Variants in CHRNA4 observed in about 807,000 individuals in gnomAD.
CHRNA4 encodes cholinergic receptor nicotinic alpha 4 subunit.
CHRNA4 carries 28 observed loss-of-function variants against 48.9 expected under a neutral mutation model. The ratio of observed to expected loss-of-function variants is 0.57; its 90% CI spans 0.42 to 0.79. CHRNA4 has a LOEUF of 0.79. Ranked by LOEUF, CHRNA4 falls within the 30% of genes least tolerant of loss-of-function variation. CHRNA4 has a pLI of 0.00. For synonymous variants in CHRNA4, 425 were observed against 402.3 expected, an observed-to-expected ratio of 1.06 and a Z score of -0.68; for missense variants, 859 against 898.4, an observed-to-expected ratio of 0.96 and a Z score of 0.56.
intron 2 of CHRNA4, 35 bp from the exon 3 acceptor site, chr20:63,356,450 C>G: frequency 6.3e-7 from 1 of 1,577,666 alleles, no homozygotes; most frequent in Non-Finnish European, 8.6e-7. Context: ...GCCAGTGACC[C>G]CTTGGTGTCT....
intron 4 of CHRNA4, among the ~76,000 whole-genome samples, chr20:63,352,006 G>T (rs2068623161): frequency 6.6e-6 from 1 of 152,192 alleles, no homozygotes; most frequent in Non-Finnish European, 1.5e-5. Context: ...GGAAGCCTGA[G>T]GCCCCATTAA....
chr20:63,345,472 C>T lies in CHRNA4; in HGVS notation c.*1266G>A, dbSNP rs967579978. The T allele has an allele frequency of 8.1e-5, 31 of 383,598 alleles. No individual in the cohort carries two copies. In the East Asian group the frequency reaches 1.3e-3, roughly 16 times the overall value. The allele number at this position is 383,598 out of a possible 1,614,324, so 23.8% of individuals were successfully genotyped here. On this transcript the variant is annotated 3_prime_UTR_variant, in exon 6 of 6. Transcript: ENST00000370263. This position sits in a 1 kb window ranked among gnomAD's most constrained non-coding sequence, Gnocchi z 5.4. ...GGGGACACTGGGGGGCTGCCGGGTG[C>T]GCCATCTTTAGGGGGTGCACTGCCG...
At chr20:63,346,944 C>T in intron 5 of CHRNA4, 81 bp from the exon 6 acceptor site, 1 of 1,595,052 alleles carries the variant, frequency 6.3e-7, no homozygotes, top group East Asian at 2.2e-5. Flanking sequence ...GCGCCGCCGG[C>T]AACAGCTTCT....
intron 4 of CHRNA4, chr20:63,355,437 T>G (rs958031085): frequency 3.8e-6 from 4 of 1,060,942 alleles, no homozygotes; most frequent in African/African-American, 3.3e-5. Context: ...GGGCAGAGCG[T>G]GAGTATGCAG....
chr20:63,353,700 C>G (rs1308074655), intron 4 of CHRNA4, among the ~76,000 whole-genome samples: 1 of 44,236 alleles, frequency 2.3e-5, no homozygotes, highest in Non-Finnish European at 4.0e-5. Context: ...GGCTGTGGTC[C>G]TGGGGGGGCT....
chr20:63,350,325 G>C lies in CHRNA4; in HGVS notation c.1086C>G (p.Ser362=). 6.2e-7 allele frequency: 1 copy of C among 1,613,348 alleles called. No homozygotes were observed. The highest frequency in any genetic ancestry group is 8.5e-7 in the Non-Finnish European group (1 of 1,180,028). The change falls in exon 5 of 6, where the codon TCC becomes TCG. Residue 362 remains serine, a synonymous_variant. Transcript: ENST00000370263. ...VPRLLLMKRP[S]VVKDNCRRLI... ...GCCGCCGGCAATTGTCCTTGACCACGGACGGCCGCTTCATGAGGAGCAGGC... is the reference window on the plus strand; with the variant it reads ...GCCGCCGGCAATTGTCCTTGACCACCGACGGCCGCTTCATGAGGAGCAGGC...
chr20:63,349,635 G>A lies in CHRNA4; in HGVS notation c.1758+18C>T. ...GTCTGGGTCAGAGGCGCCCAACACA[G>A]CCATGGGCGGGACTTACCGAGAAGT... is the stretch of plus-strand genomic sequence containing the variant. On this transcript the variant is annotated intron_variant, in intron 5 of 5. Coordinates refer to ENST00000370263, the MANE Select transcript of CHRNA4 (RefSeq NM_000744.7). 6.2e-7 allele frequency: 1 copy of A among 1,612,572 alleles called. No individual in the cohort carries two copies. Among genetic ancestry groups the A allele is most frequent in the Non-Finnish European group, 8.5e-7 (1 of 1,179,868 alleles).
In CHRNA4 at chr20:63,349,867, G is replaced by C. The variant is rs200744367; in HGVS notation, c.1544C>G (p.Thr515Ser). 1 of 1,594,878 alleles carries C rather than the reference G, an allele frequency of 6.3e-7. No individual in the cohort carries two copies. Among genetic ancestry groups the C allele is most frequent in the Non-Finnish European group, 8.6e-7 (1 of 1,169,076 alleles). The change falls in exon 5 of 6, where the codon ACC (threonine) becomes AGC (serine). Residue 515 changes from threonine (T) to serine (S), a missense_variant. Thr to Ser is a moderately conservative substitution (Grantham distance 58). Around this residue, in one of 3 missense-constraint regions of CHRNA4, gnomAD observed 478 missense variants for 455.4 expected, o/e 1.05. Transcript: ENST00000370263. ...TGGGGGTGGGAGCTCAGCCGAGTGG[G>C]TGTTGCGAGAGGCCAGGGCGCCGGC... Reference protein sequence around the residue: ...QAAGALASRNTHSAELPPPDQ... With the variant: ...QAAGALASRNSHSAELPPPDQ...
chr20:63,344,279 A>T lies in CHRNA4; in HGVS notation c.*2459T>A. On this transcript the variant is annotated 3_prime_UTR_variant, in exon 6 of 6. Coordinates refer to ENST00000370263, the MANE Select transcript of CHRNA4 (RefSeq NM_000744.7). The surrounding 1 kb of genome is among the most constrained non-coding windows in gnomAD (Gnocchi z 4.5). ...CCGGAGAGGTCAATCCACGGTGCTT[A>T]AGTCAGAGCCACAGATGGGGAGGGA... 2 of 453,422 alleles carry T rather than the reference A, an allele frequency of 4.4e-6. No individual in the cohort carries two copies. The highest frequency in any genetic ancestry group is 8.8e-6 in the Non-Finnish European group (2 of 226,558). 28.1% of individuals were successfully genotyped at this position (453,422 alleles called of 1,614,324 possible).
At chr20:63,349,237 G>A (rs1037726401) in intron 5 of CHRNA4, among the ~76,000 whole-genome samples, 4 of 152,322 alleles carry the variant, frequency 2.6e-5, no homozygotes, top group South Asian at 2.1e-4. Flanking sequence ...GGAGGCCCGC[G>A]GGGCAGGCAC....
chr20:63,347,263 TGGGA>T (rs2068510863), intron 5 of CHRNA4, among the ~76,000 whole-genome samples: 1 of 152,136 alleles, frequency 6.6e-6, no homozygotes, highest in Non-Finnish European at 1.5e-5. Context: ...TCACCAGCGC[TGGGA>T]GGGCCCATCC....
At position 63,359,377 on chromosome 20, in the gene CHRNA4, G is replaced by A. The variant is rs557685041; in HGVS notation, c.228+171C>T. ...GGACGCTCTGAATCAACCCTTGGCTGGGGCTCAGGCGGGGCAGAGCTGGTG... is the reference window on the plus strand; with the variant it reads ...GGACGCTCTGAATCAACCCTTGGCTAGGGCTCAGGCGGGGCAGAGCTGGTG... On this transcript the variant is annotated intron_variant, in intron 2 of 5. Transcript: ENST00000370263. 7.3e-6 allele frequency: 6 copies of A among 821,198 alleles called. No individual in the cohort carries two copies. In the South Asian group the frequency reaches 7.8e-5, roughly 11 times the overall value. 50.9% of individuals were successfully genotyped at this position (821,198 alleles called of 1,614,324 possible).
chr20:63,345,670 C>T lies in CHRNA4; in HGVS notation c.*1068G>A. The T allele has an allele frequency of 2.2e-6, 1 of 453,936 alleles. No homozygotes were observed. Among genetic ancestry groups the T allele is most frequent in the South Asian group, 1.6e-5 (1 of 64,474 alleles). The allele number at this position is 453,936 out of a possible 1,614,324, so 28.1% of individuals were successfully genotyped here. A position where few individuals can be genotyped will look rare whatever the true frequency, so the allele number is the denominator to read the frequency against. On this transcript the variant is annotated 3_prime_UTR_variant, in exon 6 of 6. Transcript: ENST00000370263. The surrounding 1 kb of genome is among the most constrained non-coding windows in gnomAD (Gnocchi z 5.4). Reference sequence around the variant, plus strand: ...GAGGCTTCTCAGGGACTTCCTGCCCCGAGGGTCCCAGCATCTCCCAGGTGG... The same window carrying T: ...GAGGCTTCTCAGGGACTTCCTGCCCTGAGGGTCCCAGCATCTCCCAGGTGG...
chr20:63,344,323 GA>G lies in CHRNA4; in HGVS notation c.*2414del. 1 of 454,070 alleles carries G rather than the reference GA, an allele frequency of 2.2e-6. No individual in the cohort carries two copies. The highest frequency in any genetic ancestry group is 2.3e-5 in the Admixed American group (1 of 42,580). The allele number at this position is 454,070 out of a possible 1,614,324, so 28.1% of individuals were successfully genotyped here. A position where few individuals can be genotyped will look rare whatever the true frequency, so the allele number is the denominator to read the frequency against. ...GGAGGGACGCCGACAGGAAGGGCTG[GA>G]GGGACCTTCTAGGGGCTGGGTCTCC... On this transcript the variant is annotated 3_prime_UTR_variant, in exon 6 of 6. Coordinates refer to ENST00000370263, the MANE Select transcript of CHRNA4 (RefSeq NM_000744.7). The surrounding 1 kb of genome is among the most constrained non-coding windows in gnomAD (Gnocchi z 4.5).
intron 5 of CHRNA4, among the ~76,000 whole-genome samples, chr20:63,349,161 C>T (rs1389558976): frequency 1.3e-5 from 2 of 152,164 alleles, no homozygotes; most frequent in Non-Finnish European, 2.9e-5. Flanking sequence ...CTCCTGCCAC[C>T]AGCCCATCCC....
intron 5 of CHRNA4, 173 bp from the exon 6 acceptor site, chr20:63,347,036 G>T: frequency 1.1e-6 from 1 of 890,912 alleles, no homozygotes; most frequent in Non-Finnish European, 1.8e-6. Flanking sequence ...GAATTGGGGT[G>T]CACGGGACAG....
chr20:63,356,415 C>T lies in CHRNA4; in HGVS notation c.229G>A (p.Asp77Asn), dbSNP rs1204737071. 2 of 1,600,824 alleles carry T rather than the reference C, an allele frequency of 1.2e-6. No homozygotes were observed. The highest frequency in any genetic ancestry group is 1.1e-5 in the South Asian group (1 of 88,570). Residue 77 changes from aspartate (D) to asparagine (N), a missense_variant and splice_region_variant, in exon 3 of 6, where the codon GAT (aspartate) becomes AAT (asparagine). This residue lies in a region of CHRNA4 where 342 missense variants were observed against 365.3 expected (regional missense o/e 0.94). Transcript: ENST00000370263. ...GLSIAQLIDV[D>N]EKNQMMTTNV... ...GTGGTCATCATCTGGTTCTTCTCAT[C>T]CTAGGGCACCGAGAGAGGAAGGGGG...
rs186746630 is a variant in CHRNA4 at position 63,344,601 on chromosome 20, C to A, written c.*2137G>T. On this transcript the variant is annotated 3_prime_UTR_variant, in exon 6 of 6. Coordinates refer to ENST00000370263, the MANE Select transcript of CHRNA4 (RefSeq NM_000744.7). This position sits in a 1 kb window ranked among gnomAD's most constrained non-coding sequence, Gnocchi z 4.5. ...CAGCCACTCCGCAGTCACTCCTGAC[C>A]CAGAAAAGAACAACCACAGCTGGGC... The A allele has an allele frequency of 2.8e-3, 1,254 of 453,208 alleles. 20 individuals are homozygous for A. Among genetic ancestry groups the A allele is most frequent in the African/African-American group, 0.024 (1,182 of 49,990 alleles). 28.1% of individuals were successfully genotyped at this position (453,208 alleles called of 1,614,324 possible). A position where few individuals can be genotyped will look rare whatever the true frequency, so the allele number is the denominator to read the frequency against.
At chr20:63,356,448 C>G in intron 2 of CHRNA4, 33 bp from the exon 3 acceptor site, 1 of 1,579,474 alleles carries the variant, frequency 6.3e-7, no homozygotes, top group Non-Finnish European at 8.6e-7. Context: ...GGGCCAGTGA[C>G]CCCTTGGTGT....
Sources: allele counts gnomAD v4.1 joint callset (sites outside exome capture counted in the v4.1 genomes callset), GRCh38; gene constraint gnomAD v4.1.1; regional missense constraint gnomAD v4.1.1; non-coding constraint Gnocchi (gnomAD v3.1); transcripts MANE v1.5; gene names NCBI Gene and HGNC (gene_info 2026-07-23, HGNC 2026-07-21).